Variants in DGKZ observed in about 807,000 individuals in gnomAD.
DGKZ encodes the protein DAG kinase zeta.
A neutral mutation model predicts 142.5 loss-of-function variants in DGKZ; 45 were observed. That is an observed-to-expected ratio of 0.32 (90% confidence interval 0.25 to 0.40). The LOEUF (loss-of-function observed/expected upper bound fraction) is 0.40. Among genes scored for constraint, DGKZ ranks in the 10% least tolerant of loss-of-function variants. The pLI is 1.00. For missense variants in DGKZ, 755 were observed against 1,306.5 expected (o/e 0.58, Z 6.51); for synonymous variants, 442 against 527.0 (o/e 0.84, Z 2.21).
chr11:46,368,017 C>T lies in DGKZ; in HGVS notation c.382C>T (p.Arg128Ter). The change falls in exon 4 of 31, where the codon CGA becomes TGA. Residue 128 changes from arginine (R) to a stop codon, truncating the protein, a stop_gained. Coordinates refer to ENST00000527911, the Ensembl canonical transcript of DGKZ. LOFTEE classifies it high-confidence loss of function. ...TGTCCTGCAGCAGAAGTCAGTGTCT[C>T]GAAGAAAGTGCGCAGCCTGCAAGAT... 2 of 1,613,954 alleles carry T rather than the reference C, an allele frequency of 1.2e-6. No individual in the cohort carries two copies. The highest frequency in any genetic ancestry group is 1.7e-6 in the Non-Finnish European group (2 of 1,179,994).
intron 1 of DGKZ, chr11:46,333,588 G>A: frequency 8.5e-7 from 1 of 1,171,568 alleles, no homozygotes; most frequent in Non-Finnish European, 1.2e-6. Flanking sequence ...CCTGCCTGGC[G>A]CTGGGAGTTT....
At position 46,372,817 on chromosome 11, in the gene DGKZ, C is replaced by T. The variant is rs958684878; in HGVS notation, c.1118C>T (p.Pro373Leu). The T allele has an allele frequency of 6.2e-7, 1 of 1,603,448 alleles. No homozygotes were observed. The highest frequency in any genetic ancestry group is 1.7e-5 in the Admixed American group (1 of 59,072). The change falls in exon 13 of 31, where the codon CCA becomes CTA. Residue 373 changes from proline to leucine, a missense_variant. Pro to Leu is a moderately conservative substitution (Grantham distance 98). Coordinates refer to ENST00000527911, the Ensembl canonical transcript of DGKZ. This position sits in a 1 kb window ranked among gnomAD's most constrained non-coding sequence, Gnocchi z 5.9. ...CTGGACCAGCTACGCCTGAAGCCGCCACCCCCTGTTGCCATCCTGCCCCTG... is the reference window on the plus strand; with the variant it reads ...CTGGACCAGCTACGCCTGAAGCCGCTACCCCCTGTTGCCATCCTGCCCCTG...
intron 21 of DGKZ, 57 bp downstream of exon 21, chr11:46,376,008 C>A: frequency 6.2e-7 from 1 of 1,611,502 alleles, no homozygotes; most frequent in South Asian, 1.1e-5. Flanking sequence ...GCAGCCGGGG[C>A]CCCCTTGGGC....
rs560715680 is a variant in DGKZ, at chr11:46,366,884, G to A, written c.162-407G>A. ...CCGAAGAGCCTCAGGCACCACCGCCGGCACCATGCTGCCCACCCGTGTGCG... is the reference window on the plus strand; with the variant it reads ...CCGAAGAGCCTCAGGCACCACCGCCAGCACCATGCTGCCCACCCGTGTGCG... On this transcript the variant is annotated intron_variant, in intron 1 of 30. Coordinates refer to ENST00000527911, the Ensembl canonical transcript of DGKZ. The A allele has an allele frequency of 2.6e-5, 41 of 1,549,142 alleles. No homozygotes were observed. In the South Asian group the frequency reaches 3.8e-4, roughly 14 times the overall value.
intron 1 of DGKZ, among the ~76,000 whole-genome samples, chr11:46,358,984 A>G (rs1308522284): frequency 6.6e-6 from 1 of 151,240 alleles, no homozygotes; most frequent in Non-Finnish European, 1.5e-5. Context: ...CTCTACTAAA[A>G]ATACAAAAAT....
At chr11:46,345,291 G>C (rs765708066), upstream of DGKZ, 1 of 1,358,976 alleles carries the variant, frequency 7.4e-7, no homozygotes, top group Non-Finnish European at 9.4e-7. This position sits in a 1 kb window ranked among gnomAD's most constrained non-coding sequence, Gnocchi z 4.1. Flanking sequence ...AGCGGAAGGC[G>C]CCTATGAGCC....
intron 1 of DGKZ, chr11:46,364,742 C>T: frequency 1.0e-6 from 1 of 985,450 alleles, no homozygotes; most frequent in Middle Eastern, 5.2e-4. Flanking sequence ...TCCTCCAGCC[C>T]TTCATCTTTG....
intron 1 of DGKZ, among the ~76,000 whole-genome samples, chr11:46,349,312 A>G (rs1409999169): frequency 6.6e-6 from 1 of 152,198 alleles, no homozygotes; most frequent in African/African-American, 2.4e-5. Context: ...TGCAGGATGT[A>G]GCCTCCAGTA....
chr11:46,366,722 C>T (rs1202785832), intron 1 of DGKZ: 4 of 1,555,770 alleles, frequency 2.6e-6, no homozygotes, highest in Non-Finnish European at 3.5e-6. Context: ...GTTGCCCCTA[C>T]CCCGCTACCT....
chr11:46,377,424 C>A, intron 25 of DGKZ: 1 of 889,766 alleles, frequency 1.1e-6, no homozygotes, highest in Non-Finnish European at 1.6e-6. Flanking sequence ...CTTCTCCCTC[C>A]TCTGGACCTC....
At chr11:46,352,077 G>A (rs1017359229) in intron 1 of DGKZ, among the ~76,000 whole-genome samples, 11 of 152,184 alleles carry the variant, frequency 7.2e-5, no homozygotes, top group African/African-American at 2.7e-4. Context: ...TGAGAGAAAC[G>A]GGCCTGCCCT....
At chr11:46,379,509 C>T in exon 30 of DGKZ, 2 of 1,611,402 alleles carry the variant, frequency 1.2e-6, no homozygotes, top group South Asian at 1.1e-5. Context: ...CCTGGGCCAG[C>T]GCACCATCTG....
intron 1 of DGKZ, among the ~76,000 whole-genome samples, chr11:46,358,243 A>G (rs907058807): frequency 2.6e-5 from 4 of 152,148 alleles, no homozygotes; most frequent in African/African-American, 9.7e-5. Flanking sequence ...ACATTTCTTT[A>G]AAAGTAGTGA....
chr11:46,342,347 T>C (rs1226716022), intron 1 of DGKZ, among the ~76,000 whole-genome samples: 4 of 152,190 alleles, frequency 2.6e-5, no homozygotes, highest in Non-Finnish European at 5.9e-5. Context: ...AGTCTCACAG[T>C]CAGGACTGCC....
At chr11:46,375,130 C>A (rs1286343907) in intron 19 of DGKZ, 85 bp downstream of exon 19, 1 of 1,278,528 alleles carries the variant, frequency 7.8e-7, no homozygotes, top group Non-Finnish European at 1.1e-6. Context: ...TGGGCCACGG[C>A]GGCCTAGTTC....
intron 1 of DGKZ, among the ~76,000 whole-genome samples, chr11:46,358,954 C>A (rs1942329437): frequency 6.6e-6 from 1 of 151,100 alleles, no homozygotes; most frequent in Non-Finnish European, 1.5e-5. Flanking sequence ...AGCAGCCTGG[C>A]CAACATGGTG....
chr11:46,338,183 T>TC (rs1035812354), intron 1 of DGKZ, among the ~76,000 whole-genome samples: 5 of 152,174 alleles, frequency 3.3e-5, no homozygotes, highest in African/African-American at 4.8e-5. Flanking sequence ...TTTTGCTTTT[T>TC]CCCACTCATT....
chr11:46,376,973 T>C, intron 24 of DGKZ, 100 bp from the exon 25 acceptor site: 2 of 1,093,596 alleles, frequency 1.8e-6, no homozygotes, highest in Non-Finnish European at 2.7e-6. Context: ...CTTTCAGTGT[T>C]TGTGCTCATG....
In DGKZ at chr11:46,366,772, A is replaced by G. The variant is rs1213496179; in HGVS notation, c.162-519A>G. The G allele has an allele frequency of 8.4e-6, 13 of 1,548,944 alleles. No homozygotes were observed. The highest frequency in any genetic ancestry group is 1.4e-5 in the African/African-American group (1 of 73,236). On this transcript the variant is annotated intron_variant, in intron 1 of 30. Coordinates refer to ENST00000527911, the Ensembl canonical transcript of DGKZ. Reference sequence around the variant, plus strand: ...CCCACCTGCTCCCCGCGGATGCCGTATATGACCACGCTCTCTGGGGCCTGC... The same window carrying G: ...CCCACCTGCTCCCCGCGGATGCCGTGTATGACCACGCTCTCTGGGGCCTGC...
Sources: gnomAD v4.1 joint callset for allele counts (sites outside exome capture counted in the v4.1 genomes callset) on GRCh38, gnomAD v4.1.1 for gene constraint, Gnocchi (gnomAD v3.1) non-coding constraint, MANE v1.5 for transcripts, NCBI Gene and HGNC (gene_info 2026-07-23, HGNC 2026-07-21) for gene names.